AFAP1L2: variants seen among roughly 807,000 people sequenced by gnomAD.
AFAP1L2 encodes the protein actin filament-associated protein 1-like 2.
Under a neutral mutation model 99.3 loss-of-function variants are expected in AFAP1L2, and 46 were observed. The ratio of observed to expected loss-of-function variants is 0.46; its 90% CI spans 0.37 to 0.59. The LOEUF (loss-of-function observed/expected upper bound fraction) is 0.59, where lower values mean the gene tolerates loss of function less well. Among genes scored for constraint, AFAP1L2 ranks in the 20% least tolerant of loss-of-function variants. The probability of loss-of-function intolerance (pLI) is 0.00; values close to 1 mark genes in which losing one functional copy is unlikely to be tolerated. For missense variants in AFAP1L2, 959 were observed against 1,034.9 expected, an observed-to-expected ratio of 0.93 and a Z score of 1.01; for synonymous variants, 397 against 419.1, an observed-to-expected ratio of 0.95 and a Z score of 0.64.
At chr10:114,338,413 G>T (rs1297246598) in intron 2 of AFAP1L2, among the ~76,000 whole-genome samples, 2 of 152,168 alleles carry the variant, frequency 1.3e-5, no homozygotes, top group African/African-American at 4.8e-5. Flanking sequence ...TTCACAAAAA[G>T]GGTTTTCCTT....
intron 1 of AFAP1L2, among the ~76,000 whole-genome samples, chr10:114,350,476 T>C (rs958118775): frequency 1.3e-5 from 2 of 152,226 alleles, no homozygotes; most frequent in African/African-American, 4.8e-5. Context: ...TTGGAGAACA[T>C]CTGCCGAACA....
At position 114,327,165 on chromosome 10, in the gene AFAP1L2, ATATATATATTTTTT is replaced by A. The variant is rs1384017066; in HGVS notation, c.316-3918_316-3905del. ...TATATATTTATATATATATATATAT[ATATATATATTTTTT>A]TTTTAGGCAGAGTCTCACTGTGTTG... On this transcript the variant is annotated intron_variant, in intron 4 of 18. Transcript: ENST00000304129. Among the ~76,000 whole-genome samples the A allele has an allele frequency of 5.6e-4, 46 of 81,594 alleles. 9 individuals carry two copies. Among genetic ancestry groups the A allele is most frequent in the East Asian group, 4.2e-3 (4 of 942 alleles). The allele number at this position is 81,594 out of a possible 152,430, so 53.5% of individuals were successfully genotyped here. A position where few individuals can be genotyped will look rare whatever the true frequency, so the allele number is the denominator to read the frequency against.
At chr10:114,339,801 G>A (rs2048523884) in intron 2 of AFAP1L2, among the ~76,000 whole-genome samples, 1 of 151,578 alleles carries the variant, frequency 6.6e-6, no homozygotes, top group Non-Finnish European at 1.5e-5. Context: ...ATCACCTGAG[G>A]TCAGGAGTTT....
At chr10:114,340,844 G>A in intron 1 of AFAP1L2, 113 bp from the exon 2 acceptor site, 1 of 1,497,968 alleles carries the variant, frequency 6.7e-7, no homozygotes, top group Non-Finnish European at 9.3e-7. Flanking sequence ...GTCCCAAGAG[G>A]AAGGGTTTGG....
At position 114,295,883 on chromosome 10, in the gene AFAP1L2, A is replaced by ACAGAGCCTCCTCTT; in HGVS notation, c.*145_*158dup. 4.0e-6 allele frequency: 6 copies of ACAGAGCCTCCTCTT among 1,513,776 alleles called. No individual in the cohort carries two copies. The highest frequency in any genetic ancestry group is 1.8e-4 in the Middle Eastern group (1 of 5,646). The allele number at this position is 1,513,776 out of a possible 1,614,324, so 93.8% of individuals were successfully genotyped here. On this transcript the variant is annotated 3_prime_UTR_variant, in exon 19 of 19. Coordinates refer to ENST00000304129, the MANE Select transcript of AFAP1L2 (RefSeq NM_001001936.3). ...TTATTTCCTTTGGCTCTGAAAAGGG[A>ACAGAGCCTCCTCTT]CAGAGCCTCCTCTTAGCTGAAGCTC... is the stretch of plus-strand genomic sequence containing the variant.
intron 8 of AFAP1L2, 57 bp from the exon 9 acceptor site, chr10:114,308,574 A>G (rs2042763938): frequency 6.8e-7 from 1 of 1,478,128 alleles, no homozygotes; most frequent in Non-Finnish European, 9.4e-7. Flanking sequence ...TACCTTGGAG[A>G]CCACAATTGA....
At chr10:114,351,982 A>T (rs2050576986) in intron 1 of AFAP1L2, among the ~76,000 whole-genome samples, 1 of 152,194 alleles carries the variant, frequency 6.6e-6, no homozygotes, top group African/African-American at 2.4e-5. Flanking sequence ...TGTGTAAAAT[A>T]GGGCTAATAA....
At chr10:114,300,103 T>C in intron 15 of AFAP1L2, 91 bp downstream of exon 15, 1 of 1,555,226 alleles carries the variant, frequency 6.4e-7, no homozygotes, top group South Asian at 1.2e-5. Flanking sequence ...AAACGCCCTT[T>C]CATATATACA....
At chr10:114,313,393 GGGCCTC>G (rs1375168098) in intron 7 of AFAP1L2, among the ~76,000 whole-genome samples, 1 of 151,686 alleles carries the variant, frequency 6.6e-6, no homozygotes, top group Admixed American at 6.6e-5. Context: ...CTGTGTAGAC[GGGCCTC>G]GGTCTGAGAA....
chr10:114,314,101 G>A (rs2043723479), intron 6 of AFAP1L2, 51 bp from the exon 7 acceptor site: 1 of 1,561,084 alleles, frequency 6.4e-7, no homozygotes, highest in Non-Finnish European at 8.7e-7. Context: ...GCCGGGCGGA[G>A]GTGATGTCTG....
intron 10 of AFAP1L2, among the ~76,000 whole-genome samples, chr10:114,306,731 C>A (rs541823433): frequency 9.2e-5 from 14 of 152,130 alleles, no homozygotes; most frequent in African/African-American, 3.1e-4. Context: ...GGAAGGAGAG[C>A]AGCTGTATTC....
intron 16 of AFAP1L2, 43 bp downstream of exon 16, chr10:114,299,217 G>T: frequency 6.2e-7 from 1 of 1,609,552 alleles, no homozygotes; most frequent in Non-Finnish European, 8.5e-7. Flanking sequence ...AGCCTACACG[G>T]CCCTCTGAGC....
chr10:114,306,686 G>A (rs1331988613), intron 10 of AFAP1L2, among the ~76,000 whole-genome samples: 4 of 151,986 alleles, frequency 2.6e-5, no homozygotes, highest in African/African-American at 9.7e-5. Flanking sequence ...ATCATGAGAG[G>A]TGGGATCTCA....
At chr10:114,313,445 C>T (rs559106455) in intron 7 of AFAP1L2, among the ~76,000 whole-genome samples, 1 of 152,260 alleles carries the variant, frequency 6.6e-6, no homozygotes, top group Non-Finnish European at 1.5e-5. Flanking sequence ...GACTTTGATC[C>T]ATCACCTCCA....
the AFAP1L2 span, chr10:114,288,870 C>G: frequency 6.5e-7 from 1 of 1,533,002 alleles, no homozygotes; most frequent in Non-Finnish European, 8.8e-7. Flanking sequence ...ACCTGGCAGT[C>G]CCTGGGTCCC....
At chr10:114,311,970 G>A (rs553906999) in intron 7 of AFAP1L2, among the ~76,000 whole-genome samples, 4 of 152,254 alleles carry the variant, frequency 2.6e-5, no homozygotes, top group African/African-American at 7.2e-5. Context: ...AAGAGTGGGC[G>A]GCTTCTGAGA....
chr10:114,288,034 C>T, the AFAP1L2 span, among the ~76,000 whole-genome samples: 1 of 152,200 alleles, frequency 6.6e-6, no homozygotes, highest in Non-Finnish European at 1.5e-5. Flanking sequence ...GCTCCTCTAA[C>T]TCCATACTTA....
At chr10:114,309,871 C>G (rs1318325540) in intron 8 of AFAP1L2, among the ~76,000 whole-genome samples, 1 of 152,136 alleles carries the variant, frequency 6.6e-6, no homozygotes, top group Non-Finnish European at 1.5e-5. Flanking sequence ...TCCGTTTCCT[C>G]CATTTTCCTG....
At chr10:114,339,523 C>T (rs115556269) in intron 2 of AFAP1L2, among the ~76,000 whole-genome samples, 65 of 152,342 alleles carry the variant, frequency 4.3e-4, no homozygotes, top group African/African-American at 1.5e-3. Flanking sequence ...TTCTGGGGCT[C>T]GGGCCCAACT....
Sources: allele counts gnomAD v4.1 joint callset (sites outside exome capture counted in the v4.1 genomes callset), GRCh38; gene constraint gnomAD v4.1.1; transcripts MANE v1.5; gene names NCBI Gene and HGNC (gene_info 2026-07-23, HGNC 2026-07-21).